Variants in LNX2 observed in about 807,000 individuals in gnomAD.
LNX2 encodes the protein ligand of numb-protein X 2.
Under a neutral mutation model 66.2 loss-of-function variants are expected in LNX2, and 35 were observed. That is an observed-to-expected ratio of 0.53 (90% CI 0.40 to 0.70). The LOEUF is 0.70. Ranked by LOEUF, LNX2 falls within the 30% of genes least tolerant of loss-of-function variation. The probability of loss-of-function intolerance (pLI) is 0.00; values close to 1 mark genes in which losing one functional copy is unlikely to be tolerated. For synonymous variants in LNX2, 337 were observed against 315.6 expected (o/e 1.07, Z -0.72); for missense variants, 791 against 850.8 (o/e 0.93, Z 0.87).
rs1427953235 is a variant in LNX2, at chr13:27,568,584, A to AAAACCC, written c.655+439_655+444dup. Among the ~76,000 whole-genome samples, 11 of 152,334 alleles carry AAAACCC rather than the reference A, an allele frequency of 7.2e-5. No individual in the cohort carries two copies. The East Asian group carries it at 2.1e-3, about 29-fold the overall frequency. On this transcript the variant is annotated intron_variant, in intron 3 of 9. Coordinates refer to ENST00000316334, the MANE Select transcript of LNX2 (RefSeq NM_153371.4). ...AGTTTTCTTGTTTAAAAAAAAAACAAAAACCCAAACTTAAAATGTTACAAG... is the reference window on the plus strand; with the variant it reads ...AGTTTTCTTGTTTAAAAAAAAAACAAAAACCCAAACCCAAACTTAAAATGTTACAAG...
chr13:27,553,467 G>T, intron 7 of LNX2, 28 bp from the exon 8 acceptor site: 1 of 1,571,358 alleles, frequency 6.4e-7, no homozygotes, highest in South Asian at 1.1e-5. Flanking sequence ...CAAGAAAAAT[G>T]AGCTGAGCCA....
At chr13:27,619,331 G>C (rs955773969) in intron 1 of LNX2, among the ~76,000 whole-genome samples, 1 of 151,612 alleles carries the variant, frequency 6.6e-6, no homozygotes, top group African/African-American at 2.4e-5. Context: ...TTCTAAAGAG[G>C]TGTGGGGGTG....
In LNX2 at chr13:27,581,534, A is replaced by G; in HGVS notation, c.170T>C (p.Leu57Pro). The G allele has an allele frequency of 1.2e-6, 2 of 1,614,224 alleles. No homozygotes were observed. The highest frequency in any genetic ancestry group is 2.2e-5 in the South Asian group (2 of 91,086). ...ACAGGGTGTGTCTAGTGGCTGCAGC[A>G]GAGGTTGAAGGCAAATATGGCAGAC... ...DLVCHICLQP[L>P]LQPLDTPCGH... Residue 57 changes from leucine (L) to proline (P), a missense_variant, in exon 2 of 10, where the codon CTG (leucine) becomes CCG (proline). Physicochemically the swap from Leu to Pro is moderately conservative, Grantham distance 98 (BLOSUM62 -3). Coordinates refer to ENST00000316334, the MANE Select transcript of LNX2 (RefSeq NM_153371.4).
intron 2 of LNX2, among the ~76,000 whole-genome samples, chr13:27,580,407 T>C (rs1955384015): frequency 1.3e-5 from 2 of 152,178 alleles, no homozygotes; most frequent in East Asian, 1.9e-4. Context: ...CAGTATGATG[T>C]AGTATGCATT....
chr13:27,559,971 T>A lies in LNX2; in HGVS notation c.1239A>T (p.Arg413Ser), dbSNP rs767328074. ...AAQIIQASGE[R>S]VNLTIARPGK... Reference sequence around the variant, plus strand: ...CTGGTCTAGCAATTGTTAAATTCACTCTCTCTCCACTGGCCTGGAGAAAAC... The same window carrying A: ...CTGGTCTAGCAATTGTTAAATTCACACTCTCTCCACTGGCCTGGAGAAAAC... The change falls in exon 6 of 10, where the codon AGA becomes AGT. Residue 413 changes from arginine (R) to serine (S), a missense_variant. Arg to Ser is a moderately radical substitution (Grantham distance 110). Transcript: ENST00000316334. The A allele has an allele frequency of 6.2e-7, 1 of 1,606,728 alleles. No homozygotes were observed. Among genetic ancestry groups the A allele is most frequent in the South Asian group, 1.1e-5 (1 of 89,998 alleles).
chr13:27,593,463 C>T (rs1332158174), intron 1 of LNX2, among the ~76,000 whole-genome samples: 3 of 151,892 alleles, frequency 2.0e-5, no homozygotes, highest in African/African-American at 7.3e-5. Context: ...TTATGAATGT[C>T]TAACTGCTAA....
At chr13:27,577,303 T>C (rs1187407136) in intron 2 of LNX2, among the ~76,000 whole-genome samples, 1 of 152,188 alleles carries the variant, frequency 6.6e-6, no homozygotes, top group Non-Finnish European at 1.5e-5. Flanking sequence ...TTTCACACCA[T>C]ACATGAAAAA....
intron 5 of LNX2, among the ~76,000 whole-genome samples, chr13:27,560,277 T>C (rs1430606382): frequency 6.6e-6 from 1 of 152,134 alleles, no homozygotes; most frequent in Non-Finnish European, 1.5e-5. Flanking sequence ...TATTGCCCCA[T>C]GATTGGTAAC....
chr13:27,609,297 C>T (rs902498192), intron 1 of LNX2, among the ~76,000 whole-genome samples: 1 of 151,856 alleles, frequency 6.6e-6, no homozygotes, highest in East Asian at 1.9e-4. Flanking sequence ...GAACTACAGG[C>T]GTGCATCACC....
intron 1 of LNX2, among the ~76,000 whole-genome samples, chr13:27,618,748 G>A (rs2138500246): frequency 6.6e-6 from 1 of 152,330 alleles, no homozygotes; most frequent in Admixed American, 6.5e-5. Context: ...CTCGGACACT[G>A]GGTCCTTCGG....
At position 27,581,721 on chromosome 13, in the gene LNX2, T is replaced by A. The variant is rs777069165; in HGVS notation, c.-18A>T. 1.5e-5 allele frequency: 23 copies of A among 1,568,746 alleles called. No individual in the cohort carries two copies. The highest frequency in any genetic ancestry group is 1.7e-4 in the Middle Eastern group (1 of 5,850). Reference sequence around the variant, plus strand: ...GTTCCCATTTTGAATCAATTCTGTATCCTCATGTGTTAGACTTCCACTTCA... The same window carrying A: ...GTTCCCATTTTGAATCAATTCTGTAACCTCATGTGTTAGACTTCCACTTCA... On this transcript the variant is annotated 5_prime_UTR_variant, in exon 2 of 10. Transcript: ENST00000316334.
rs138894426 is a variant in LNX2 at position 27,588,745 on chromosome 13, A to T, written c.-100-6942T>A. Among the ~76,000 whole-genome samples the T allele has an allele frequency of 8.5e-3, 1,291 of 152,338 alleles. 7 individuals carry two copies. The highest frequency in any genetic ancestry group is 0.014 in the Non-Finnish European group (938 of 68,028). Reference sequence around the variant, plus strand: ...ATTAAAAAATTACTGAAGCTCCCAAACAGCTTTTATCTGTCTGTATTCATT... The same window carrying T: ...ATTAAAAAATTACTGAAGCTCCCAATCAGCTTTTATCTGTCTGTATTCATT... On this transcript the variant is annotated intron_variant, in intron 1 of 9. Coordinates refer to ENST00000316334, the MANE Select transcript of LNX2 (RefSeq NM_153371.4).
chr13:27,563,065 A>G (rs1260583524), intron 4 of LNX2, among the ~76,000 whole-genome samples: 1 of 152,214 alleles, frequency 6.6e-6, no homozygotes, highest in African/African-American at 2.4e-5. Context: ...CCATTTACTA[A>G]CTGATAACTT....
At chr13:27,616,168 CGGGGGTG>C (rs1212245487) in intron 1 of LNX2, among the ~76,000 whole-genome samples, 3 of 2,988 alleles carry the variant, frequency 1.0e-3, no homozygotes, top group Non-Finnish European at 2.0e-3. Flanking sequence ...TGCAGGGGGT[CGGGGGTG>C]GGGTGGGGGG....
At chr13:27,587,196 C>T (rs552102872) in intron 1 of LNX2, among the ~76,000 whole-genome samples, 162 of 152,198 alleles carry the variant, frequency 1.1e-3, no homozygotes, top group African/African-American at 3.8e-3. Context: ...TACCAGGGGT[C>T]TAAGAATACC....
Position 27,569,204 on chromosome 13 carries a change from C to T in LNX2, c.480G>A (p.Glu160=). 2 of 1,613,334 alleles carry T rather than the reference C, an allele frequency of 1.2e-6. No individual in the cohort carries two copies. The highest frequency in any genetic ancestry group is 1.7e-6 in the Non-Finnish European group (2 of 1,179,618). ...RKTSRTQAEI[E]NENGPTLLDP... ...CTAGTAGAGTGGGCCCATTTTCATTCTCAATCTCTGCTTGAGTTCTACTAG... is the reference window on the plus strand; with the variant it reads ...CTAGTAGAGTGGGCCCATTTTCATTTTCAATCTCTGCTTGAGTTCTACTAG... Residue 160 remains glutamate (E), a synonymous_variant, in exon 3 of 10, where the codon GAG becomes GAA. Coordinates refer to ENST00000316334, the MANE Select transcript of LNX2 (RefSeq NM_153371.4).
rs551873858 is a variant in LNX2 at position 27,585,411 on chromosome 13, G to C, written c.-100-3608C>G. On this transcript the variant is annotated intron_variant, in intron 1 of 9. Coordinates refer to ENST00000316334, the MANE Select transcript of LNX2 (RefSeq NM_153371.4). ...CACTGCAGCCTGGGCAACACAGCAA[G>C]ACTCTGTCTCAAAAAGGAAAAAAAT... is the stretch of plus-strand genomic sequence containing the variant. 1.2e-3 allele frequency among the ~76,000 whole-genome samples: 180 copies of C among 151,640 alleles called. 1 individual carries two copies. The highest frequency in any genetic ancestry group is 9.1e-3 in the South Asian group (44 of 4,810).
chr13:27,558,265 T>C (rs948248983), intron 6 of LNX2, among the ~76,000 whole-genome samples: 7 of 151,336 alleles, frequency 4.6e-5, no homozygotes, highest in African/African-American at 1.7e-4. Flanking sequence ...ATCTTAGTAG[T>C]AAATAGCTAA....
chr13:27,614,094 A>G (rs2138487103), intron 1 of LNX2, among the ~76,000 whole-genome samples: 1 of 152,366 alleles, frequency 6.6e-6, no homozygotes, highest in East Asian at 1.9e-4. Flanking sequence ...CTGGGCTTAA[A>G]CCAAGCTAAT....
Sources: allele counts gnomAD v4.1 joint callset (sites outside exome capture counted in the v4.1 genomes callset), GRCh38; gene constraint gnomAD v4.1.1; transcripts MANE v1.5; gene names NCBI Gene and HGNC (gene_info 2026-07-23, HGNC 2026-07-21).